Variants in SNTG2 observed in about 807,000 individuals in gnomAD.
The protein encoded by SNTG2 is gamma-2-syntrophin.
SNTG2 carries 74 observed loss-of-function variants against 70.9 expected under a neutral mutation model. That is an observed-to-expected ratio of 1.04 (90% CI 0.86 to 1.27). The LOEUF (loss-of-function observed/expected upper bound fraction) is 1.27, where lower values mean the gene tolerates loss of function less well. Among genes scored for constraint, SNTG2 ranks in the 50% most tolerant of loss-of-function variants. SNTG2 has a pLI of 0.00. For synonymous variants in SNTG2, 278 were observed against 273.8 expected (o/e 1.02, Z -0.15); for missense variants, 717 against 690.7 (o/e 1.04, Z -0.43).
chr2:996,301 G>A (rs1661679137), intron 1 of SNTG2, among the ~76,000 whole-genome samples: 1 of 152,206 alleles, frequency 6.6e-6, no homozygotes. Flanking sequence ...TCGACTGCCA[G>A]AAATCAGCTC....
intron 16 of SNTG2, among the ~76,000 whole-genome samples, chr2:1,337,707 T>C (rs1659889563): frequency 6.6e-6 from 1 of 152,170 alleles, no homozygotes; most frequent in African/African-American, 2.4e-5. Context: ...GCAATCTAAT[T>C]ATCTCTTTTA....
At chr2:1,132,711 T>TGTAAGCTGTGGAAGAAGCTGAGC (rs1668107722) in intron 4 of SNTG2, among the ~76,000 whole-genome samples, 1 of 152,090 alleles carries the variant, frequency 6.6e-6, no homozygotes, top group Non-Finnish European at 1.5e-5. Context: ...GTAAGCTGAG[T>TGTAAGCTGTGGAAGAAGCTGAGC]GTAAGCTGTG....
intron 1 of SNTG2, among the ~76,000 whole-genome samples, chr2:964,423 T>C (rs961103371): frequency 6.6e-6 from 1 of 152,186 alleles, no homozygotes; most frequent in African/African-American, 2.4e-5. Flanking sequence ...AGAGTCAATA[T>C]TTAACATTTT....
chr2:1,270,111 C>T lies in SNTG2; in HGVS notation c.1284+2540C>T, dbSNP rs1051851886. Among the ~76,000 whole-genome samples the T allele has an allele frequency of 3.9e-5, 6 of 152,294 alleles. No individual in the cohort carries two copies. The East Asian group carries it at 7.7e-4, about 20-fold the overall frequency. ...CTCAGGGCATTGAATTCCCAATTTA[C>T]GCCTCACTCAGGACCTGTGTTTCAG... On this transcript the variant is annotated intron_variant, in intron 14 of 16. Transcript: ENST00000308624.
intron 16 of SNTG2, among the ~76,000 whole-genome samples, chr2:1,365,967 C>A (rs1421736004): frequency 6.6e-6 from 1 of 152,144 alleles, no homozygotes; most frequent in African/African-American, 2.4e-5. Context: ...TTCTCCACCC[C>A]CTCATTCTGC....
At chr2:1,299,272 G>A (rs1291875433) in intron 14 of SNTG2, among the ~76,000 whole-genome samples, 1 of 152,166 alleles carries the variant, frequency 6.6e-6, no homozygotes, top group East Asian at 1.9e-4. Context: ...CTGCCCTAAG[G>A]AATGTCCGCA....
At chr2:972,290 C>T (rs1033867404) in intron 1 of SNTG2, among the ~76,000 whole-genome samples, 31 of 152,126 alleles carry the variant, frequency 2.0e-4, no homozygotes, top group Admixed American at 7.2e-4. Context: ...TTTCTAAGTA[C>T]GTGTTTTATG....
intron 16 of SNTG2, among the ~76,000 whole-genome samples, chr2:1,333,354 C>T (rs1659631858): frequency 6.6e-6 from 1 of 152,120 alleles, no homozygotes; most frequent in African/African-American, 2.4e-5. Context: ...AGGATCAATA[C>T]TGTGAAAATG....
intron 2 of SNTG2, among the ~76,000 whole-genome samples, chr2:1,095,636 C>T (rs1665342678): frequency 6.6e-6 from 1 of 152,104 alleles, no homozygotes; most frequent in Non-Finnish European, 1.5e-5. Context: ...ATCTTCCTGA[C>T]ATGTATAAGT....
chr2:1,255,921 T>C (rs1400771590), intron 12 of SNTG2, among the ~76,000 whole-genome samples: 1 of 65,232 alleles, frequency 1.5e-5, no homozygotes, highest in African/African-American at 9.4e-5. Flanking sequence ...TATATATAAA[T>C]ATATAAATAT....
intron 14 of SNTG2, among the ~76,000 whole-genome samples, chr2:1,279,224 G>A (rs1178130093): frequency 2.6e-5 from 4 of 152,294 alleles, no homozygotes; most frequent in African/African-American, 4.8e-5. Context: ...CTCTTACAGC[G>A]TTGCAGTGCT....
At chr2:1,271,048 A>G (rs1422564314) in intron 14 of SNTG2, among the ~76,000 whole-genome samples, 1 of 152,176 alleles carries the variant, frequency 6.6e-6, no homozygotes, top group Non-Finnish European at 1.5e-5. Context: ...TTTTACAGAA[A>G]AGTTCTCCAT....
chr2:1,277,432 C>T (rs1679313721), intron 14 of SNTG2, among the ~76,000 whole-genome samples: 1 of 152,168 alleles, frequency 6.6e-6, no homozygotes, highest in Non-Finnish European at 1.5e-5. Flanking sequence ...CTCAGATGAC[C>T]ACTAGGTTAT....
At chr2:1,356,445 C>A (rs1265929535) in intron 16 of SNTG2, among the ~76,000 whole-genome samples, 1 of 152,182 alleles carries the variant, frequency 6.6e-6, no homozygotes, top group African/African-American at 2.4e-5. Flanking sequence ...AGAGACTGAC[C>A]TTTCCCCACT....
chr2:1,019,579 G>C (rs1004895776), intron 1 of SNTG2, among the ~76,000 whole-genome samples: 1 of 152,156 alleles, frequency 6.6e-6, no homozygotes, highest in East Asian at 1.9e-4. Context: ...TGGAAAGAAA[G>C]GAAATGGAAA....
Position 1,058,795 on chromosome 2 carries a change from C to T in SNTG2, c.73-24723C>T, listed in dbSNP as rs545232646. On this transcript the variant is annotated intron_variant, in intron 1 of 16. Transcript: ENST00000308624. ...ATCTGGTTGTACCTAACTAATGGCA[C>T]CTGTTTGTGCCACACAAGCCTGTGG... Among the ~76,000 whole-genome samples the T allele has an allele frequency of 3.9e-5, 6 of 152,328 alleles. No individual in the cohort carries two copies. The South Asian group carries it at 8.3e-4, about 21-fold the overall frequency.
intron 1 of SNTG2, among the ~76,000 whole-genome samples, chr2:1,066,937 C>T (rs1394507032): frequency 1.3e-5 from 2 of 152,150 alleles, no homozygotes; most frequent in African/African-American, 4.8e-5. Context: ...CTCTCATCTC[C>T]TCTGCAAAAC....
chr2:1,011,517 A>G (rs1315992920), intron 1 of SNTG2, among the ~76,000 whole-genome samples: 1 of 152,126 alleles, frequency 6.6e-6, no homozygotes, highest in Admixed American at 6.5e-5. Context: ...ATCATACCGT[A>G]TTTGCATTTT....
chr2:1,065,022 AAGG>A (rs1487036466), intron 1 of SNTG2, among the ~76,000 whole-genome samples: 3 of 152,154 alleles, frequency 2.0e-5, no homozygotes, highest in Non-Finnish European at 4.4e-5. Flanking sequence ...GGATTGTGGG[AAGG>A]AGATTTTATG....
Sources: gnomAD v4.1 joint callset for allele counts (sites outside exome capture counted in the v4.1 genomes callset) on GRCh38, gnomAD v4.1.1 for gene constraint, MANE v1.5 for transcripts, NCBI Gene and HGNC (gene_info 2026-07-23, HGNC 2026-07-21) for gene names.